GALNT16: variants seen among roughly 807,000 people sequenced by gnomAD.
GALNT16 encodes the protein polypeptide N-acetylgalactosaminyltransferase 16.
GALNT16 carries 40 observed loss-of-function variants against 76.1 expected under a neutral mutation model. The ratio of observed to expected loss-of-function variants is 0.53; its 90% confidence interval spans 0.41 to 0.68. The LOEUF is 0.68. GALNT16 is among the 30% of genes least tolerant of loss of function. The pLI is 0.00. For synonymous variants in GALNT16, 276 were observed against 285.2 expected (o/e 0.97, Z 0.32); for missense variants, 621 against 731.9 (o/e 0.85, Z 1.75).
chr14:69,371,202 C>T, the GALNT16 span, among the ~76,000 whole-genome samples: 1 of 152,008 alleles, frequency 6.6e-6, no homozygotes, highest in Non-Finnish European at 1.5e-5. Context: ...GGTAACTTCA[C>T]GGTAACATGA....
chr14:69,305,230 C>T (rs1377516008), intron 1 of GALNT16, among the ~76,000 whole-genome samples: 2 of 132,648 alleles, frequency 1.5e-5, no homozygotes, highest in African/African-American at 2.9e-5. Context: ...GTAGTGTGAT[C>T]TCGGCTCACT....
chr14:69,355,701 A>T (rs998836035), downstream of GALNT16: 1 of 152,302 alleles, frequency 6.6e-6, no homozygotes, highest in South Asian at 2.1e-4. Flanking sequence ...GTCCCCCGAA[A>T]GCCTATGGGC....
intron 1 of GALNT16, among the ~76,000 whole-genome samples, chr14:69,282,932 T>G (rs1348933858): frequency 2.0e-5 from 3 of 152,070 alleles, no homozygotes; most frequent in African/African-American, 7.2e-5. Context: ...TCCCAAAGTT[T>G]TGGGATTACA....
At chr14:69,339,695 G>A in intron 11 of GALNT16, 76 bp downstream of exon 11, 2 of 912,560 alleles carry the variant, frequency 2.2e-6, no homozygotes, top group South Asian at 1.6e-5. Flanking sequence ...GAAGTGGTAT[G>A]TACGCCAGGG....
At chr14:69,380,337 AAAAAG>A in the GALNT16 span, 2 of 421,054 alleles carry the variant, frequency 4.7e-6, no homozygotes, top group East Asian at 6.9e-5. Context: ...GTAAAAAAAA[AAAAAG>A]AAAGAGAAAG....
At chr14:69,379,990 A>T in the GALNT16 span, 1 of 104,320 alleles carries the variant, frequency 9.6e-6, no homozygotes, top group Non-Finnish European at 2.0e-5. Flanking sequence ...TTCACAGCAA[A>T]ATGTGTTGCG....
rs2044267420 is a variant in GALNT16 at position 69,261,265 on chromosome 14, G to T, written c.177+798G>T. On this transcript the variant is annotated intron_variant, in intron 1 of 14. Transcript: ENST00000448469. The surrounding 1 kb of genome is among the most constrained non-coding windows in gnomAD (Gnocchi z 6.4). ...CTTGGCGCTCTGGGGACCCGGGCGGGGGCGTGCGGAGCCGCAGCCGCCCTG... is the reference window on the plus strand; with the variant it reads ...CTTGGCGCTCTGGGGACCCGGGCGGTGGCGTGCGGAGCCGCAGCCGCCCTG... Among the ~76,000 whole-genome samples the T allele has an allele frequency of 6.6e-6, 1 of 152,216 alleles. No individual in the cohort carries two copies. Among genetic ancestry groups the T allele is most frequent in the Admixed American group, 6.5e-5 (1 of 15,292 alleles).
chr14:69,363,219 G>A, the GALNT16 span, among the ~76,000 whole-genome samples: 6 of 152,170 alleles, frequency 3.9e-5, no homozygotes, highest in African/African-American at 9.7e-5. Flanking sequence ...TGTGGGGGCC[G>A]TAGAGCACGC....
intron 1 of GALNT16, among the ~76,000 whole-genome samples, chr14:69,295,598 C>T (rs1220563438): frequency 6.6e-6 from 1 of 151,948 alleles, no homozygotes; most frequent in African/African-American, 2.4e-5. Flanking sequence ...CACGTGCCTG[C>T]AGTCCCAGCT....
downstream of GALNT16, chr14:69,355,153 A>G (rs964241199): frequency 6.6e-6 from 1 of 152,244 alleles, no homozygotes. Flanking sequence ...AGGCCAGCAC[A>G]CCACTAGCCT....
At chr14:69,316,160 T>G (rs995166771) in intron 1 of GALNT16, among the ~76,000 whole-genome samples, 1 of 152,130 alleles carries the variant, frequency 6.6e-6, no homozygotes, top group Non-Finnish European at 1.5e-5. Flanking sequence ...GCCAGAAGCC[T>G]ATGAGTGGGG....
At chr14:69,297,041 C>T (rs1169493300) in intron 1 of GALNT16, among the ~76,000 whole-genome samples, 2 of 152,200 alleles carry the variant, frequency 1.3e-5, no homozygotes, top group Non-Finnish European at 2.9e-5. Flanking sequence ...AATCAGCCAC[C>T]TACTGATGGA....
chr14:69,279,789 T>G (rs1264027608), intron 1 of GALNT16, among the ~76,000 whole-genome samples: 1 of 152,188 alleles, frequency 6.6e-6, no homozygotes, highest in Non-Finnish European at 1.5e-5. Context: ...CCCAATTCCA[T>G]CTTGTAGGGT....
the GALNT16 span, among the ~76,000 whole-genome samples, chr14:69,362,615 G>A: frequency 3.2e-4 from 48 of 152,354 alleles, no homozygotes; most frequent in African/African-American, 1.1e-3. Context: ...AGCTGCTTAG[G>A]CATCCTGAGC....
intron 2 of GALNT16, among the ~76,000 whole-genome samples, chr14:69,322,095 C>G (rs1029416068): frequency 6.6e-6 from 1 of 152,234 alleles, no homozygotes; most frequent in Admixed American, 6.5e-5. Context: ...GAGATGAACA[C>G]AGGGCTGGGG....
At chr14:69,294,108 T>C (rs1046059190) in intron 1 of GALNT16, among the ~76,000 whole-genome samples, 29 of 152,030 alleles carry the variant, frequency 1.9e-4, no homozygotes, top group African/African-American at 6.8e-4. Flanking sequence ...CAGGATGGTC[T>C]TGAACTCCTG....
At chr14:69,296,805 CTAGATAGA>C (rs71102640) in intron 1 of GALNT16, among the ~76,000 whole-genome samples, 9,434 of 148,106 alleles carry the variant, frequency 0.064, 474 homozygotes, top group African/African-American at 0.14. Context: ...ACAGATAGAG[CTAGATAGA>C]TAGATAGATA....
intron 14 of GALNT16, chr14:69,350,318 C>T (rs1217716739): frequency 6.6e-6 from 1 of 152,192 alleles, no homozygotes; most frequent in African/African-American, 2.4e-5. Context: ...GGAATTTGCA[C>T]TTTAGTGGAA....
At chr14:69,279,532 G>A (rs11621049) in intron 1 of GALNT16, among the ~76,000 whole-genome samples, 70,397 of 152,130 alleles carry the variant, frequency 0.46, 16,472 homozygotes, top group Middle Eastern at 0.55. Context: ...TGTGTGCAAC[G>A]AGCACTAAGC....
Sources: gnomAD v4.1 joint callset for allele counts (sites outside exome capture counted in the v4.1 genomes callset) on GRCh38, gnomAD v4.1.1 for gene constraint, Gnocchi (gnomAD v3.1) non-coding constraint, MANE v1.5 for transcripts, NCBI Gene and HGNC (gene_info 2026-07-23, HGNC 2026-07-21) for gene names.